HSPD1: variants seen among roughly 807,000 people sequenced by gnomAD.
The protein encoded by HSPD1 is 60 kDa heat shock protein, mitochondrial.
A neutral mutation model predicts 53.0 loss-of-function variants in HSPD1; 3 were observed. The observed-to-expected ratio is 0.06, with a 90% confidence interval of 0.03 to 0.15. The LOEUF is 0.15. Among genes scored for constraint, HSPD1 ranks in the 10% least tolerant of loss-of-function variants. HSPD1 has a pLI of 1.00. For missense variants in HSPD1, 431 were observed against 694.1 expected, an observed-to-expected ratio of 0.62 and a Z score of 4.26; for synonymous variants, 200 against 228.0, an observed-to-expected ratio of 0.88 and a Z score of 1.10.
chr2:197,493,419 T>C lies in HSPD1; in HGVS notation c.774A>G (p.Val258=), dbSNP rs751668514. 1 of 1,613,102 alleles carries C rather than the reference T, an allele frequency of 6.2e-7. No individual in the cohort carries two copies. The highest frequency in any genetic ancestry group is 8.5e-7 in the Non-Finnish European group (1 of 1,179,048). ...GAGCATTGGCAATTTCAAGAGCAGG[T>C]ACAATGGACTGGATACTAGAAATTT... ...EKKISSIQSI[V]PALEIANAHR... Residue 258 remains valine (V), a synonymous_variant, in exon 7 of 12, where the codon GTA becomes GTG. Coordinates refer to ENST00000388968, the MANE Select transcript of HSPD1 (RefSeq NM_002156.5).
chr2:197,499,921 A>C (rs2086223746), upstream of HSPD1: 1 of 154,010 alleles, frequency 6.5e-6, no homozygotes, highest in Non-Finnish European at 1.4e-5. Flanking sequence ...CCGCGTGTGC[A>C]GGCAGCTCCC....
Position 197,495,677 on chromosome 2 carries a change from T to C in HSPD1, c.428-301A>G, listed in dbSNP as rs2086148655. ...TCTCACTATGTTGCCCAAGGTGGTC[T>C]TGAACTCCTGGGCTCAAGCAATCCT... On this transcript the variant is annotated intron_variant, in intron 3 of 11. Transcript: ENST00000388968. Among the ~76,000 whole-genome samples, 2 of 152,076 alleles carry C rather than the reference T, an allele frequency of 1.3e-5. 1 individual carries two copies. Among genetic ancestry groups the C allele is most frequent in the South Asian group, 4.1e-4 (2 of 4,830 alleles).
At chr2:197,491,674 A>C (rs72914954) in intron 7 of HSPD1, among the ~76,000 whole-genome samples, 1,630 of 152,358 alleles carry the variant, frequency 0.011, 12 homozygotes, top group Non-Finnish European at 0.018. Flanking sequence ...CATTTTAATA[A>C]TGCCCTTAGA....
chr2:197,498,564 A>T, intron 2 of HSPD1, 111 bp downstream of exon 2: 1 of 965,538 alleles, frequency 1.0e-6, no homozygotes, highest in Non-Finnish European at 1.6e-6. Context: ...ATGTAAACTG[A>T]GTTCTCTCAA....
At chr2:197,498,017 C>T (rs934777473) in intron 2 of HSPD1, among the ~76,000 whole-genome samples, 2 of 152,176 alleles carry the variant, frequency 1.3e-5, no homozygotes, top group African/African-American at 4.8e-5. Flanking sequence ...CAAAACATTA[C>T]CCCTATTAAA....
chr2:197,495,532 C>A (rs1440845598), intron 3 of HSPD1, among the ~76,000 whole-genome samples, 156 bp from the exon 4 acceptor site: 1 of 151,466 alleles, frequency 6.6e-6, no homozygotes, highest in Admixed American at 6.6e-5. Flanking sequence ...GCTGCCCAGG[C>A]TAGAGTGCAG....
chr2:197,498,693 G>A lies in HSPD1; in HGVS notation c.156C>T (p.Ala52=), dbSNP rs1308231485. The stretch of plus-strand genomic sequence containing the variant: ...CTGGTACCTTTGGCCCCATTGTAAC[G>A]GCCACAGCATCGGCTAAAAGGTCTA... The part of the protein sequence containing the change: ...QGVDLLADAV[A]VTMGPKGRTV... Residue 52 remains alanine (A), a synonymous_variant, in exon 2 of 12, where the codon GCC becomes GCT. Coordinates refer to ENST00000388968, the MANE Select transcript of HSPD1 (RefSeq NM_002156.5). The A allele has an allele frequency of 7.4e-6, 12 of 1,613,884 alleles. No individual in the cohort carries two copies. Among genetic ancestry groups the A allele is most frequent in the Non-Finnish European group, 1.0e-5 (12 of 1,179,970 alleles).
intron 6 of HSPD1, 32 bp from the exon 7 acceptor site, chr2:197,493,524 C>T: frequency 2.0e-6 from 3 of 1,464,924 alleles, no homozygotes; most frequent in Non-Finnish European, 2.9e-6. Flanking sequence ...CAAAAATATA[C>T]AAAAAATGAC....
chr2:197,487,210 TTTAA>T lies in HSPD1; in HGVS notation c.1570-16_1570-13del, dbSNP rs762688563. 4.3e-5 allele frequency: 70 copies of T among 1,611,832 alleles called. No individual in the cohort carries two copies. The East Asian group carries it at 1.2e-3, about 27-fold the overall frequency. On this transcript the variant is annotated splice_polypyrimidine_tract_variant and intron_variant, in intron 11 of 11. Coordinates refer to ENST00000388968, the MANE Select transcript of HSPD1 (RefSeq NM_002156.5). ...GCAGTTCTCACAACCTAGAAAAAAATTTAATTAATTAGTTTTCCCTTAGTAAAAT... is the reference window on the plus strand; with the variant it reads ...GCAGTTCTCACAACCTAGAAAAAAATTTAATTAGTTTTCCCTTAGTAAAAT...
intron 10 of HSPD1, 23 bp from the exon 11 acceptor site, chr2:197,488,059 T>C: frequency 6.8e-7 from 1 of 1,473,536 alleles, no homozygotes; most frequent in Non-Finnish European, 9.4e-7. Flanking sequence ...TTCAGCAAAA[T>C]TTTAATACTT....
At position 197,494,139 on chromosome 2, in the gene HSPD1, T is replaced by C; in HGVS notation, c.700+18A>G. On this transcript the variant is annotated intron_variant, in intron 6 of 11. Coordinates refer to ENST00000388968, the MANE Select transcript of HSPD1 (RefSeq NM_002156.5). ...AATAATAAAAATAATAATAATTCAG[T>C]TATTGATTTGTTCTTACCTTTTGAT... 1 of 1,037,224 alleles carries C rather than the reference T, an allele frequency of 9.6e-7. No individual in the cohort carries two copies. Among genetic ancestry groups the C allele is most frequent in the Non-Finnish European group, 1.5e-6 (1 of 657,192 alleles). 64.3% of individuals were successfully genotyped at this position (1,037,224 alleles called of 1,614,324 possible).
intron 10 of HSPD1, 82 bp from the exon 11 acceptor site, chr2:197,488,118 T>G: frequency 1.8e-6 from 2 of 1,132,962 alleles, no homozygotes; most frequent in African/African-American, 1.5e-5. Context: ...GATATTGATG[T>G]AGGGAAATCC....
chr2:197,488,257 T>C (rs1167765972), intron 10 of HSPD1, 60 bp downstream of exon 10: 18 of 1,462,724 alleles, frequency 1.2e-5, no homozygotes, highest in Non-Finnish European at 1.6e-5. Context: ...GACTGCAACA[T>C]TATTATTCTA....
Position 197,487,960 on chromosome 2 carries a change from C to A in HSPD1, c.1467G>T (p.Leu489Phe), listed in dbSNP as rs755645213. ...IAKNAGVEGS[L>F]IVEKIMQSSS... ...AACTTTGCATAATTTTCTCAACTATCAAAGATCCTTCAACACCTGCATTCT... is the reference window on the plus strand; with the variant it reads ...AACTTTGCATAATTTTCTCAACTATAAAAGATCCTTCAACACCTGCATTCT... Residue 489 changes from leucine to phenylalanine, a missense_variant, in exon 11 of 12, where the codon TTG becomes TTT. By Grantham distance (22) the Leu-to-Phe change is conservative (BLOSUM62 0). This residue lies in a region of HSPD1 where 386 missense variants were observed against 657.6 expected (regional missense o/e 0.59). Transcript: ENST00000388968. The A allele has an allele frequency of 1.9e-6, 3 of 1,613,416 alleles. No homozygotes were observed. In the Admixed American group the frequency reaches 5.0e-5, roughly 27 times the overall value.
chr2:197,500,274 C>T, upstream of HSPD1: 3 of 939,536 alleles, frequency 3.2e-6, no homozygotes, highest in Non-Finnish European at 4.9e-6. Flanking sequence ...CGCGTCGGGG[C>T]GACCGCCCTC....
rs565153254 is a variant in HSPD1 at position 197,498,810 on chromosome 2, C to A, written c.39G>T (p.Pro13=). Residue 13 remains proline, a synonymous_variant, in exon 2 of 12, where the codon CCG becomes CCT. Coordinates refer to ENST00000388968, the MANE Select transcript of HSPD1 (RefSeq NM_002156.5). ...RLPTVFRQMR[P]VSRVLAPHLT... is the part of the protein sequence containing the mutation. The stretch of plus-strand genomic sequence containing the variant: ...GATGAGGAGCCAGTACCCTGGACAC[C>A]GGTCTCATCTGGCGAAAGACTGTGG... The A allele has an allele frequency of 6.2e-7, 1 of 1,613,976 alleles. No individual in the cohort carries two copies. The highest frequency in any genetic ancestry group is 8.5e-7 in the Non-Finnish European group (1 of 1,179,872).
At chr2:197,491,180 T>C (rs1219450999) in intron 7 of HSPD1, among the ~76,000 whole-genome samples, 1 of 149,738 alleles carries the variant, frequency 6.7e-6, no homozygotes, top group Non-Finnish European at 1.5e-5. Flanking sequence ...CTCAAGTCTT[T>C]TTTTTGTGTG....
intron 4 of HSPD1, 103 bp downstream of exon 4, chr2:197,495,191 T>A: frequency 2.8e-6 from 2 of 714,278 alleles, no homozygotes; most frequent in Non-Finnish European, 5.2e-6. Flanking sequence ...TATTGATGAT[T>A]GGGTAGTATT....
chr2:197,494,829 T>A (rs751864041), intron 4 of HSPD1, 77 bp from the exon 5 acceptor site: 24 of 951,944 alleles, frequency 2.5e-5, no homozygotes, highest in Non-Finnish European at 3.6e-5. Flanking sequence ...CTTTTCCTAG[T>A]AACTTCCAAA....
Sources: gnomAD v4.1 joint callset for allele counts (sites outside exome capture counted in the v4.1 genomes callset) on GRCh38, gnomAD v4.1.1 for gene constraint, gnomAD v4.1.1 regional missense constraint, MANE v1.5 for transcripts, NCBI Gene and HGNC (gene_info 2026-07-23, HGNC 2026-07-21) for gene names.